JAK2: variants seen among roughly 807,000 people sequenced by gnomAD.
JAK2 encodes Janus kinase 2.
In JAK2, 86 loss-of-function variants were observed where a neutral mutation model predicts 139.3. The observed-to-expected ratio is 0.62, with a 90% CI of 0.52 to 0.74. The LOEUF is 0.74. Ranked by LOEUF, JAK2 falls within the 30% of genes least tolerant of loss-of-function variation. The probability of loss-of-function intolerance (pLI) is 0.00; values close to 1 mark genes in which losing one functional copy is unlikely to be tolerated. For missense variants in JAK2, 1,421 were observed against 1,360.3 expected, an observed-to-expected ratio of 1.04 and a Z score of -0.70; for synonymous variants, 490 against 437.7, an observed-to-expected ratio of 1.12 and a Z score of -1.49.
At chr9:5,027,471 A>T (rs750813393) in intron 3 of JAK2, among the ~76,000 whole-genome samples, 9 of 152,296 alleles carry the variant, frequency 5.9e-5, no homozygotes, top group Middle Eastern at 3.4e-3. Flanking sequence ...TCTTGCCTTG[A>T]TGTTGATGGC....
chr9:5,117,607 G>A (rs998077711), intron 22 of JAK2, among the ~76,000 whole-genome samples: 9 of 152,046 alleles, frequency 5.9e-5, no homozygotes, highest in African/African-American at 2.2e-4. Flanking sequence ...GTTTATTTTG[G>A]AAATAGTTGT....
chr9:5,052,031 T>C (rs1467881375), intron 6 of JAK2, among the ~76,000 whole-genome samples: 1 of 152,094 alleles, frequency 6.6e-6, no homozygotes, highest in African/African-American at 2.4e-5. Flanking sequence ...TGCCAGGCTA[T>C]AGTAGAACAT....
intron 4 of JAK2, chr9:5,041,020 C>G (rs1816459497): frequency 3.0e-6 from 2 of 667,732 alleles, no homozygotes; most frequent in African/African-American, 3.6e-5. Context: ...GCAGCTGCAC[C>G]TGGGTACCGG....
At chr9:5,031,870 G>A (rs142994310) in intron 4 of JAK2, among the ~76,000 whole-genome samples, 13 of 152,336 alleles carry the variant, frequency 8.5e-5, no homozygotes, top group Admixed American at 5.9e-4. Context: ...TCCAACTGAG[G>A]TGTACCGGGT....
rs1294260465 is a variant in JAK2 at position 5,079,828 on chromosome 9, A to AT, written c.2132-389dup. Among the ~76,000 whole-genome samples the AT allele has an allele frequency of 3.9e-4, 59 of 149,456 alleles. 1 individual carries two copies. Among genetic ancestry groups the AT allele is most frequent in the African/African-American group, 8.4e-4 (34 of 40,714 alleles). Reference sequence around the variant, plus strand: ...AGTGACACCCTGTCTCAAAAAAAAAATTTTTTTTTTTTGAAGGTAAAACTA... The same window carrying AT: ...AGTGACACCCTGTCTCAAAAAAAAAATTTTTTTTTTTTTGAAGGTAAAACTA... On this transcript the variant is annotated intron_variant, in intron 16 of 24. Transcript: ENST00000381652.
chr9:5,121,728 G>A (rs1173960136), intron 22 of JAK2, among the ~76,000 whole-genome samples: 1 of 152,124 alleles, frequency 6.6e-6, no homozygotes, highest in Non-Finnish European at 1.5e-5. Context: ...GAACAAAGAA[G>A]GAGGAGTCTT....
chr9:5,061,709 G>T (rs1818185709), intron 8 of JAK2, among the ~76,000 whole-genome samples: 1 of 152,222 alleles, frequency 6.6e-6, no homozygotes, highest in South Asian at 2.1e-4. Flanking sequence ...GCTCACAGGA[G>T]TAGCACTTTC....
chr9:5,039,000 A>C (rs1816292313), intron 4 of JAK2, among the ~76,000 whole-genome samples: 2 of 152,118 alleles, frequency 1.3e-5, no homozygotes, highest in Non-Finnish European at 2.9e-5. Flanking sequence ...ATGGCAAGGA[A>C]CTTCCTCAAT....
Position 5,127,054 on chromosome 9 carries a change from T to C in JAK2, c.*263T>C. 3.7e-6 allele frequency: 1 copy of C among 273,370 alleles called. No individual in the cohort carries two copies. Among genetic ancestry groups the C allele is most frequent in the Non-Finnish European group, 6.9e-6 (1 of 144,334 alleles). 16.9% of individuals were successfully genotyped at this position (273,370 alleles called of 1,614,324 possible). Reference sequence around the variant, plus strand: ...ACATTGTCAGTTAACATCACTCTTGTCTGGCAAAAGAAAAAAAATAGACTT... The same window carrying C: ...ACATTGTCAGTTAACATCACTCTTGCCTGGCAAAAGAAAAAAAATAGACTT... On this transcript the variant is annotated 3_prime_UTR_variant, in exon 25 of 25. Transcript: ENST00000381652.
At position 5,069,228 on chromosome 9, in the gene JAK2, A is replaced by G. The variant is rs891761177; in HGVS notation, c.1513+20A>G. ...CAAAAGGTAAGATAATTTTCTAGTT[A>G]TTTTTAAATTACTGGTCATGGATTG... On this transcript the variant is annotated intron_variant, in intron 11 of 24. Transcript: ENST00000381652. The G allele has an allele frequency of 2.0e-6, 3 of 1,528,136 alleles. No homozygotes were observed. The highest frequency in any genetic ancestry group is 2.8e-5 in the African/African-American group (2 of 72,240). 94.7% of individuals were successfully genotyped at this position (1,528,136 alleles called of 1,614,324 possible). A position where few individuals can be genotyped will look rare whatever the true frequency, so the allele number is the denominator to read the frequency against.
chr9:4,993,834 T>A (rs12346527), intron 2 of JAK2, among the ~76,000 whole-genome samples: 8,786 of 152,228 alleles, frequency 0.058, 698 homozygotes, highest in African/African-American at 0.18. Context: ...TTGTGTGGAG[T>A]TTGGACATTC....
rs756881943 is a variant in JAK2 at position 5,091,168 on chromosome 9, A to C, written c.3059+257A>C. ...AGGTTTTTCTTCAAAACTGTCTCCT[A>C]TTTATTGAGGCTTAGGGGTAATTAT... On this transcript the variant is annotated intron_variant, in intron 22 of 24. Coordinates refer to ENST00000381652, the MANE Select transcript of JAK2 (RefSeq NM_004972.4). 3 of 285,128 alleles carry C rather than the reference A, an allele frequency of 1.1e-5. No homozygotes were observed. The South Asian group carries it at 2.2e-4, about 21-fold the overall frequency. The allele number at this position is 285,128 out of a possible 1,614,324, so 17.7% of individuals were successfully genotyped here.
intron 4 of JAK2, 104 bp from the exon 5 acceptor site, chr9:5,044,299 G>A: frequency 5.6e-6 from 4 of 718,818 alleles, no homozygotes; most frequent in East Asian, 2.6e-5. Flanking sequence ...TGTTTTCTAA[G>A]TATGGGATAA....
chr9:5,014,531 A>G (rs190820438), intron 2 of JAK2, among the ~76,000 whole-genome samples: 8 of 152,302 alleles, frequency 5.3e-5, no homozygotes, highest in Admixed American at 1.3e-4. Context: ...TGGTGGGAAA[A>G]TATCAGAACA....
chr9:5,053,275 G>A (rs1468125307), intron 6 of JAK2, among the ~76,000 whole-genome samples: 2 of 152,008 alleles, frequency 1.3e-5, no homozygotes, highest in Admixed American at 6.6e-5. Context: ...TATGCCTTCT[G>A]TAGAGAAGTG....
intron 8 of JAK2, among the ~76,000 whole-genome samples, chr9:5,064,025 G>T (rs372713310): frequency 6.6e-6 from 1 of 152,018 alleles, no homozygotes; most frequent in Non-Finnish European, 1.5e-5. Context: ...GCGTCTTGGC[G>T]TGTGCCTGTA....
intron 19 of JAK2, chr9:5,084,889 C>A (rs1416716937): frequency 4.7e-6 from 2 of 428,440 alleles, no homozygotes; most frequent in Non-Finnish European, 9.0e-6. Context: ...AGTTTGATAT[C>A]TTTTAAAATG....
At chr9:5,044,307 T>A in intron 4 of JAK2, 96 bp from the exon 5 acceptor site, 1 of 763,770 alleles carries the variant, frequency 1.3e-6, no homozygotes, top group Non-Finnish European at 2.3e-6. Context: ...AAGTATGGGA[T>A]AATACCTTTC....
chr9:5,072,547 A>G lies in JAK2; in HGVS notation c.1697A>G (p.Glu566Gly). 2 of 1,610,602 alleles carry G rather than the reference A, an allele frequency of 1.2e-6. No individual in the cohort carries two copies. Among genetic ancestry groups the G allele is most frequent in the Non-Finnish European group, 1.7e-6 (2 of 1,177,760 alleles). ...AAGATTTTTAAAGGCGTACGAAGAG[A>G]AGTAGGAGACTACGGTCAACTGCAT... ...FTKIFKGVRR[E>G]VGDYGQLHET... Residue 566 changes from glutamate to glycine, a missense_variant, in exon 13 of 25, where the codon GAA (glutamate) becomes GGA (glycine). Transcript: ENST00000381652.
Sources: gnomAD v4.1 joint callset for allele counts (sites outside exome capture counted in the v4.1 genomes callset) on GRCh38, gnomAD v4.1.1 for gene constraint, MANE v1.5 for transcripts, NCBI Gene and HGNC (gene_info 2026-07-23, HGNC 2026-07-21) for gene names.